FAM149B1: variants seen among roughly 807,000 people sequenced by gnomAD.
FAM149B1 encodes the protein family with sequence similarity 149 member B1, also known as primary cilium assembly protein FAM149B1.
Under a neutral mutation model 75.3 loss-of-function variants are expected in FAM149B1, and 56 were observed. The observed-to-expected ratio is 0.74, with a 90% CI of 0.60 to 0.93. The LOEUF is 0.93. Ranked by LOEUF, FAM149B1 falls within the 40% of genes least tolerant of loss-of-function variation. The probability of loss-of-function intolerance (pLI) is 0.00; values close to 1 mark genes in which losing one functional copy is unlikely to be tolerated. For missense variants in FAM149B1, 639 were observed against 708.4 expected (o/e 0.90, Z 1.11); for synonymous variants, 259 against 256.1 (o/e 1.01, Z -0.11).
Position 73,244,365 on chromosome 10 carries a change from C to T in FAM149B1, c.*3346C>T, listed in dbSNP as rs1359899079. On this transcript the variant is annotated 3_prime_UTR_variant, in exon 14 of 14. Transcript: ENST00000242505. ...AAAAGAAATGAGCCTGGTGTGGTGG[C>T]ATGTGCTTGTAGTCCCAGCTACTAG... is the stretch of plus-strand genomic sequence containing the variant. 1.3e-5 allele frequency: 2 copies of T among 157,106 alleles called. No homozygotes were observed. The highest frequency in any genetic ancestry group is 2.8e-5 in the Non-Finnish European group (2 of 71,640). 9.7% of individuals were successfully genotyped at this position (157,106 alleles called of 1,614,324 possible).
intron 3 of FAM149B1, among the ~76,000 whole-genome samples, chr10:73,190,548 G>A (rs74866897): frequency 0.072 from 10,877 of 151,858 alleles, 642 homozygotes; most frequent in East Asian, 0.3. Flanking sequence ...ATTGGGTAGG[G>A]GTTGACTTTC....
chr10:73,196,379 T>C (rs963628326), intron 5 of FAM149B1, among the ~76,000 whole-genome samples: 5 of 151,964 alleles, frequency 3.3e-5, no homozygotes, highest in African/African-American at 1.2e-4. Context: ...TGGAGTGCAG[T>C]GGCACAATCA....
At chr10:73,215,388 TA>T (rs200402156) in intron 7 of FAM149B1, among the ~76,000 whole-genome samples, 1 of 152,040 alleles carries the variant, frequency 6.6e-6, no homozygotes, top group Admixed American at 6.6e-5. Context: ...TTTTTTTAAT[TA>T]AAAAAATTTT....
In FAM149B1 at chr10:73,233,037, T is replaced by C. The variant is rs1408213654; in HGVS notation, c.1226T>C (p.Leu409Pro). 4 of 1,551,770 alleles carry C rather than the reference T, an allele frequency of 2.6e-6. No individual in the cohort carries two copies. The East Asian group carries it at 9.8e-5, about 38-fold the overall frequency. The change falls in exon 10 of 14, where the codon CTG (leucine) becomes CCG (proline). Residue 409 changes from leucine to proline, a missense_variant. Leu to Pro is a moderately conservative substitution (Grantham distance 98). Transcript: ENST00000242505. The part of the protein sequence containing the change: ...NRAVEFSTSS[L>P]SYTVQSTRRR... ...GCTGTGGAGTTTAGTACATCATCTC[T>C]GTCATACACAGTGCAGTCCACCAGG...
intron 5 of FAM149B1, among the ~76,000 whole-genome samples, chr10:73,208,346 A>T (rs1159586247): frequency 6.6e-6 from 1 of 152,248 alleles, no homozygotes; most frequent in Admixed American, 6.5e-5. Context: ...CTTTATAGCA[A>T]GGCAAGGATG....
chr10:73,234,989 T>C, intron 11 of FAM149B1, 49 bp downstream of exon 11: 1 of 1,541,304 alleles, frequency 6.5e-7, no homozygotes, highest in Non-Finnish European at 8.8e-7. Context: ...TACAACCTAA[T>C]GGGCAGTAAT....
At position 73,224,003 on chromosome 10, in the gene FAM149B1, A is replaced by G. The variant is rs543008496; in HGVS notation, c.899-4057A>G. Reference sequence around the variant, plus strand: ...TGTTGGGCTGTGAATTAATATTTTTATTTTTCTGTGCATTCATAAATTAAG... The same window carrying G: ...TGTTGGGCTGTGAATTAATATTTTTGTTTTTCTGTGCATTCATAAATTAAG... On this transcript the variant is annotated intron_variant, in intron 7 of 13. Transcript: ENST00000242505. 2.0e-5 allele frequency among the ~76,000 whole-genome samples: 3 copies of G among 152,230 alleles called. No individual in the cohort carries two copies. In the East Asian group the frequency reaches 5.8e-4, roughly 29 times the overall value.
At chr10:73,176,836 G>A (rs1163737089) in intron 2 of FAM149B1, among the ~76,000 whole-genome samples, 1 of 152,188 alleles carries the variant, frequency 6.6e-6, no homozygotes, top group Non-Finnish European at 1.5e-5. Flanking sequence ...AGACCAGCCT[G>A]GCCAACATGG....
Position 73,243,800 on chromosome 10 carries a change from G to T in FAM149B1, c.*2781G>T. 7 of 1,512,422 alleles carry T rather than the reference G, an allele frequency of 4.6e-6. No homozygotes were observed. Among genetic ancestry groups the T allele is most frequent in the Non-Finnish European group, 6.4e-6 (7 of 1,094,844 alleles). The allele number at this position is 1,512,422 out of a possible 1,614,324, so 93.7% of individuals were successfully genotyped here. ...ATTCCAAAGAAAATATTAGCAGTAG[G>T]AATCAGATCATTAAAGATGTGGCAA... On this transcript the variant is annotated 3_prime_UTR_variant, in exon 14 of 14. Transcript: ENST00000242505.
At chr10:73,235,025 G>A in intron 11 of FAM149B1, 85 bp downstream of exon 11, 1 of 1,502,354 alleles carries the variant, frequency 6.7e-7, no homozygotes, top group South Asian at 1.3e-5. Flanking sequence ...CCCTGATCTT[G>A]ATTTATACTG....
chr10:73,240,959 T>A lies in FAM149B1; in HGVS notation c.1689T>A (p.His563Gln). ...GTCATCTGACAGGTCCTCAGTTACA[T>A]GGGTCTACAAAATCTCAAAGCGGAG... ...PGRGSAGPQL[H>Q]GSTKSQSGGR... The change falls in exon 14 of 14, where the codon CAT becomes CAA. Residue 563 changes from histidine (H) to glutamine (Q), a missense_variant. Coordinates refer to ENST00000242505, the MANE Select transcript of FAM149B1 (RefSeq NM_173348.2). 1 of 1,541,086 alleles carries A rather than the reference T, an allele frequency of 6.5e-7. No individual in the cohort carries two copies. The highest frequency in any genetic ancestry group is 1.2e-5 in the South Asian group (1 of 83,700).
intron 2 of FAM149B1, among the ~76,000 whole-genome samples, chr10:73,177,488 C>A (rs1844020022): frequency 6.6e-6 from 1 of 151,946 alleles, no homozygotes; most frequent in Non-Finnish European, 1.5e-5. Context: ...GCAAGAGAAT[C>A]ATTTGAATCC....
chr10:73,198,988 C>T (rs887124291), intron 5 of FAM149B1, among the ~76,000 whole-genome samples: 2 of 152,020 alleles, frequency 1.3e-5, no homozygotes, highest in Non-Finnish European at 2.9e-5. Flanking sequence ...ATTAGAGATG[C>T]GGAACTCTAC....
chr10:73,220,075 A>G (rs2043375232), intron 7 of FAM149B1, among the ~76,000 whole-genome samples: 1 of 151,782 alleles, frequency 6.6e-6, no homozygotes, highest in Non-Finnish European at 1.5e-5. Flanking sequence ...CAATTTTAAA[A>G]TGGGCAAATA....
At chr10:73,200,446 CA>C in intron 5 of FAM149B1, 3 of 612,572 alleles carry the variant, frequency 4.9e-6, no homozygotes, top group South Asian at 1.4e-5. Context: ...AAAATGAATG[CA>C]AAAACTGCAG....
intron 5 of FAM149B1, among the ~76,000 whole-genome samples, chr10:73,207,954 G>C (rs1372092354): frequency 6.6e-6 from 1 of 152,232 alleles, no homozygotes; most frequent in Non-Finnish European, 1.5e-5. Flanking sequence ...CAAGACTTTT[G>C]AGACTTTTTG....
chr10:73,204,355 C>T (rs1381654905), intron 5 of FAM149B1, among the ~76,000 whole-genome samples: 3 of 151,792 alleles, frequency 2.0e-5, no homozygotes, highest in East Asian at 1.9e-4. Context: ...AAACTCCTGA[C>T]CTCAAGTGAT....
intron 8 of FAM149B1, among the ~76,000 whole-genome samples, chr10:73,228,650 C>T (rs1439010933): frequency 2.0e-5 from 3 of 151,762 alleles, no homozygotes; most frequent in South Asian, 2.1e-4. Flanking sequence ...CAGGCTGGAG[C>T]GCAGTGGCAT....
At chr10:73,170,665 A>G (rs1251675247) in intron 1 of FAM149B1, among the ~76,000 whole-genome samples, 2 of 152,174 alleles carry the variant, frequency 1.3e-5, no homozygotes, top group East Asian at 3.8e-4. Context: ...TTTGCCTTTT[A>G]GAAGCTTATT....
Sources: gnomAD v4.1 joint callset for allele counts (sites outside exome capture counted in the v4.1 genomes callset) on GRCh38, gnomAD v4.1.1 for gene constraint, MANE v1.5 for transcripts, NCBI Gene and HGNC (gene_info 2026-07-23, HGNC 2026-07-21) for gene names.